Variants in PDZRN3 observed in about 807,000 individuals in gnomAD.
The protein encoded by PDZRN3 is E3 ubiquitin-protein ligase PDZRN3.
PDZRN3 carries 38 observed loss-of-function variants against 85.7 expected under a neutral mutation model. The observed-to-expected ratio is 0.44, with a 90% CI of 0.34 to 0.58. PDZRN3 has a LOEUF of 0.58. Ranked by LOEUF, PDZRN3 falls within the 20% of genes least tolerant of loss-of-function variation. The pLI, the probability that PDZRN3 is intolerant of heterozygous loss-of-function variation, is 0.01. For missense variants in PDZRN3, 1,629 were observed against 1,506.4 expected (o/e 1.08, Z -1.35); for synonymous variants, 759 against 638.0 (o/e 1.19, Z -2.86).
At chr3:73,619,426 G>A (rs1044739536) in intron 1 of PDZRN3, among the ~76,000 whole-genome samples, 5 of 152,196 alleles carry the variant, frequency 3.3e-5, no homozygotes, top group Admixed American at 2.0e-4. Flanking sequence ...TGTAGTCTGC[G>A]AGGTCCGAGA....
At chr3:73,553,971 A>G (rs1004057699) in intron 3 of PDZRN3, among the ~76,000 whole-genome samples, 1 of 152,178 alleles carries the variant, frequency 6.6e-6, no homozygotes, top group African/African-American at 2.4e-5. Flanking sequence ...GGCTGGAAGG[A>G]AGAAACTGAC....
chr3:73,450,929 T>A (rs1702845038), intron 3 of PDZRN3, among the ~76,000 whole-genome samples: 1 of 151,750 alleles, frequency 6.6e-6, no homozygotes, highest in African/African-American at 2.4e-5. Flanking sequence ...CTCATGCTCT[T>A]TAAAAAAAAA....
intron 3 of PDZRN3, among the ~76,000 whole-genome samples, chr3:73,512,033 C>G (rs1432101624): frequency 6.6e-6 from 1 of 152,206 alleles, no homozygotes; most frequent in African/African-American, 2.4e-5. Context: ...CTTTGGTAAG[C>G]AAGTTTGTTA....
intron 3 of PDZRN3, among the ~76,000 whole-genome samples, chr3:73,553,758 G>A (rs962652766): frequency 3.3e-5 from 5 of 152,122 alleles, no homozygotes; most frequent in Non-Finnish European, 5.9e-5. Context: ...CAGGCTGGAG[G>A]AGTAGGCCAA....
intron 3 of PDZRN3, among the ~76,000 whole-genome samples, chr3:73,506,006 G>A (rs919099746): frequency 6.6e-6 from 1 of 151,860 alleles, no homozygotes. Flanking sequence ...ACAAACCATG[G>A]AACTCAGGTA....
chr3:73,506,610 G>A lies in PDZRN3; in HGVS notation c.918+95744C>T, dbSNP rs1704073844. Among the ~76,000 whole-genome samples the A allele has an allele frequency of 2.0e-5, 3 of 152,116 alleles. No homozygotes were observed. The South Asian group carries it at 6.2e-4, about 32-fold the overall frequency. On this transcript the variant is annotated intron_variant, in intron 3 of 9. Coordinates refer to ENST00000263666, the MANE Select transcript of PDZRN3 (RefSeq NM_015009.3). ...ATAACCCTGTATTATGGAAGGGGCA[G>A]GGAAAAGACTTACTCGAATATGATC... is the stretch of plus-strand genomic sequence containing the variant.
intron 3 of PDZRN3, among the ~76,000 whole-genome samples, chr3:73,528,835 G>C (rs1329102417): frequency 6.6e-6 from 1 of 151,940 alleles, no homozygotes; most frequent in African/African-American, 2.4e-5. Context: ...GGAAGAAGGG[G>C]AATGGCAAGG....
At chr3:73,477,576 G>GAAAACAAACGC (rs1703481990) in intron 3 of PDZRN3, among the ~76,000 whole-genome samples, 2 of 152,264 alleles carry the variant, frequency 1.3e-5, no homozygotes, top group South Asian at 2.1e-4. Context: ...CAAAAATAAT[G>GAAAACAAACGC]AAAACAAACG....
intron 3 of PDZRN3, among the ~76,000 whole-genome samples, chr3:73,600,335 ACACTCTCTCT>A (rs1342094676): frequency 2.1e-5 from 1 of 46,910 alleles, no homozygotes; most frequent in East Asian, 4.3e-4. Context: ...ACACACACAC[ACACTCTCTCT>A]CTCTCTCTCT....
chr3:73,384,290 T>C lies in PDZRN3; in HGVS notation c.2276A>G (p.Asn759Ser). 2.5e-6 allele frequency: 4 copies of C among 1,612,890 alleles called. No individual in the cohort carries two copies. The highest frequency in any genetic ancestry group is 3.4e-6 in the Non-Finnish European group (4 of 1,179,976). Residue 759 changes from asparagine (N) to serine (S), a missense_variant, in exon 10 of 10, where the codon AAC becomes AGC. Coordinates refer to ENST00000263666, the MANE Select transcript of PDZRN3 (RefSeq NM_015009.3). ...GGTGCTGCGGCAGCTCTCGCCTGTG[T>C]TGTAGGCGCTCGAGCTGTCCTTGTC... is the stretch of plus-strand genomic sequence containing the variant. The part of the protein sequence containing the change: ...KSDKDSSSAY[N>S]TGESCRSTPL...
intron 3 of PDZRN3, among the ~76,000 whole-genome samples, chr3:73,407,758 A>T (rs559295222): frequency 1.3e-5 from 2 of 152,278 alleles, no homozygotes; most frequent in Admixed American, 1.3e-4. Context: ...TGCATGAAGG[A>T]CCCGCTTGGA....
Position 73,506,003 on chromosome 3 carries a change from A to G in PDZRN3, c.918+96351T>C, listed in dbSNP as rs76860322. ...CCATGAATCAACACAGCCACAAACC[A>G]TGGAACTCAGGTACGGGCAGGTAGA... On this transcript the variant is annotated intron_variant, in intron 3 of 9. Coordinates refer to ENST00000263666, the MANE Select transcript of PDZRN3 (RefSeq NM_015009.3). Among the ~76,000 whole-genome samples, 118 of 152,222 alleles carry G rather than the reference A, an allele frequency of 7.8e-4. 1 individual carries two copies. The East Asian group carries it at 0.02, about 26-fold the overall frequency.
At chr3:73,510,358 C>T (rs143651742) in intron 3 of PDZRN3, among the ~76,000 whole-genome samples, 279 of 152,228 alleles carry the variant, frequency 1.8e-3, no homozygotes, top group African/African-American at 6.6e-3. Context: ...GATCTCTACC[C>T]GAGAAGAAAC....
chr3:73,447,597 A>G (rs6797388), intron 3 of PDZRN3, among the ~76,000 whole-genome samples: 9,520 of 152,242 alleles, frequency 0.063, 420 homozygotes, highest in Middle Eastern at 0.13. Context: ...TGACCTCCCA[A>G]TTGCCGCAAC....
chr3:73,394,158 C>T (rs972961017), intron 5 of PDZRN3, among the ~76,000 whole-genome samples: 1 of 152,126 alleles, frequency 6.6e-6, no homozygotes, highest in Non-Finnish European at 1.5e-5. Context: ...GAATCAAGAA[C>T]CACTTACGCT....
At chr3:73,401,075 A>G (rs1701739491) in intron 4 of PDZRN3, 66 bp from the exon 5 acceptor site, 1 of 1,192,762 alleles carries the variant, frequency 8.4e-7, no homozygotes, top group Non-Finnish European at 1.3e-6. Context: ...TCTTACACCC[A>G]TTGTCAGGCC....
chr3:73,388,025 A>G lies in PDZRN3; in HGVS notation c.1461T>C (p.Leu487=), dbSNP rs1701434580. Reference sequence around the variant, plus strand: ...AGTTTTTATTTTCTTCACTGGTTAGAAGAGCCACAGCCTCTTCACGGTTCT... The same window carrying G: ...AGTTTTTATTTTCTTCACTGGTTAGGAGAGCCACAGCCTCTTCACGGTTCT... The part of the protein sequence containing the change: ...EVQNREEAVA[L]LTSEENKNFS... The change falls in exon 8 of 10, where the codon CTT becomes CTC. Residue 487 remains leucine (L), a synonymous_variant. Coordinates refer to ENST00000263666, the MANE Select transcript of PDZRN3 (RefSeq NM_015009.3). 3 of 1,574,158 alleles carry G rather than the reference A, an allele frequency of 1.9e-6. No individual in the cohort carries two copies. The highest frequency in any genetic ancestry group is 2.7e-5 in the African/African-American group (2 of 73,796).
intron 3 of PDZRN3, among the ~76,000 whole-genome samples, chr3:73,490,368 T>C (rs992875508): frequency 6.6e-6 from 1 of 152,198 alleles, no homozygotes; most frequent in Admixed American, 6.5e-5. Flanking sequence ...ACTGTGCTCC[T>C]GTTAGGATTC....
intron 3 of PDZRN3, chr3:73,408,174 G>A (rs766030578): frequency 1.6e-5 from 11 of 703,180 alleles, no homozygotes; most frequent in South Asian, 1.3e-4. Flanking sequence ...GAGTGTGCAG[G>A]GACAGCAATT....
Sources: allele counts gnomAD v4.1 joint callset (sites outside exome capture counted in the v4.1 genomes callset), GRCh38; gene constraint gnomAD v4.1.1; transcripts MANE v1.5; gene names NCBI Gene and HGNC (gene_info 2026-07-23, HGNC 2026-07-21).